The following RGS8 variants were observed in gnomAD, a reference collection of about 807,000 sequenced individuals.
RGS8 encodes the protein regulator of G-protein signaling 8.
A neutral mutation model predicts 21.7 loss-of-function variants in RGS8; 8 were observed. The ratio of observed to expected loss-of-function variants is 0.37; its 90% CI spans 0.22 to 0.66. RGS8 has a LOEUF of 0.66. Among genes scored for constraint, RGS8 ranks in the 30% least tolerant of loss-of-function variants. The pLI is 0.59. For missense variants in RGS8, 157 were observed against 217.9 expected, an observed-to-expected ratio of 0.72 and a Z score of 1.76; for synonymous variants, 80 against 83.6, an observed-to-expected ratio of 0.96 and a Z score of 0.24.
chr1:182,734,496 T>A, the RGS8 span: 1 of 152,160 alleles, frequency 6.6e-6, no homozygotes, highest in East Asian at 1.9e-4. Context: ...ACCGAAAGAA[T>A]CAAGACGGTT....
At chr1:182,653,793 A>G (rs1663135960) in intron 5 of RGS8, among the ~76,000 whole-genome samples, 1 of 152,236 alleles carries the variant, frequency 6.6e-6, no homozygotes, top group Admixed American at 6.5e-5. Context: ...GAAGTTCAAG[A>G]AAAGAATCTA....
chr1:182,671,747 TC>T lies in RGS8; in HGVS notation c.-177-18del, dbSNP rs1571346724. 5 of 1,613,854 alleles carry T rather than the reference TC, an allele frequency of 3.1e-6. No homozygotes were observed. Among genetic ancestry groups the T allele is most frequent in the Non-Finnish European group, 4.2e-6 (5 of 1,179,858 alleles). ...TAAGGTGTTCTGGGGAAAAAGTAGA[TC>T]TTTCTTTTAGCAGTCAAATCCTCGG... is the stretch of plus-strand genomic sequence containing the variant. On this transcript the variant is annotated intron_variant, in intron 1 of 6. Coordinates refer to ENST00000483095, the Ensembl canonical transcript of RGS8.
At chr1:182,749,575 G>A in the RGS8 span, among the ~76,000 whole-genome samples, 2 of 151,968 alleles carry the variant, frequency 1.3e-5, no homozygotes, top group African/African-American at 2.4e-5. Flanking sequence ...TGCTATTTGA[G>A]GTCTTTTGTG....
intron 3 of RGS8, 97 bp from the exon 5 acceptor site, chr1:182,667,070 C>A (rs1663903815): frequency 1.1e-6 from 1 of 930,566 alleles, no homozygotes; most frequent in Admixed American, 1.8e-5. Flanking sequence ...CGGGAGCCAG[C>A]ACTGCCCCCA....
intron 5 of RGS8, among the ~76,000 whole-genome samples, chr1:182,652,635 A>G (rs1663076580): frequency 6.6e-6 from 1 of 152,260 alleles, no homozygotes; most frequent in African/African-American, 2.4e-5. Flanking sequence ...GCTATGTGCT[A>G]AAAGCAGATA....
At chr1:182,666,651 T>C (rs1199145738) in intron 4 of RGS8, among the ~76,000 whole-genome samples, 2 of 149,648 alleles carry the variant, frequency 1.3e-5, no homozygotes, top group Non-Finnish European at 3.0e-5. Flanking sequence ...TATGGCTTAC[T>C]TAGGAAAAAA....
the RGS8 span, among the ~76,000 whole-genome samples, chr1:182,690,541 G>C: frequency 6.6e-6 from 1 of 152,066 alleles, no homozygotes; most frequent in African/African-American, 2.4e-5. Context: ...AATTCTTTGG[G>C]TCCCCATTTT....
chr1:182,719,565 C>T, the RGS8 span, among the ~76,000 whole-genome samples: 3,450 of 150,482 alleles, frequency 0.023, 52 homozygotes, highest in Admixed American at 0.037. Context: ...TGAGTAGGTG[C>T]GACTACAGGC....
upstream of RGS8, among the ~76,000 whole-genome samples, chr1:182,674,466 C>CT (rs199833844): frequency 5.9e-5 from 9 of 151,434 alleles, no homozygotes; most frequent in Admixed American, 4.6e-4. Context: ...CTAGTCCAAG[C>CT]TTTTTTTTTC....
chr1:182,650,450 C>G (rs183939641), intron 5 of RGS8, among the ~76,000 whole-genome samples: 6 of 152,258 alleles, frequency 3.9e-5, no homozygotes, highest in Admixed American at 3.3e-4. Flanking sequence ...TCAAAAAAGC[C>G]ACATCTTTAC....
At chr1:182,708,900 A>G in the RGS8 span, among the ~76,000 whole-genome samples, 1 of 152,172 alleles carries the variant, frequency 6.6e-6, no homozygotes, top group Admixed American at 6.5e-5. Flanking sequence ...CTGCTCCCCA[A>G]GCAGCTCTGG....
the RGS8 span, among the ~76,000 whole-genome samples, chr1:182,700,804 T>C: frequency 6.6e-6 from 1 of 152,228 alleles, no homozygotes; most frequent in Non-Finnish European, 1.5e-5. Flanking sequence ...CTTACAATCA[T>C]CTAATTTGAT....
At chr1:182,654,373 AG>A (rs1450362068) in intron 5 of RGS8, among the ~76,000 whole-genome samples, 23 of 152,340 alleles carry the variant, frequency 1.5e-4, no homozygotes, top group South Asian at 1.0e-3. Context: ...CAAAGAAAAA[AG>A]GAAAGAGGTA....
At chr1:182,720,879 G>GTATA in the RGS8 span, among the ~76,000 whole-genome samples, 1 of 129,002 alleles carries the variant, frequency 7.8e-6, no homozygotes, top group South Asian at 2.4e-4. Flanking sequence ...ACACATATAT[G>GTATA]TATATATATA....
At chr1:182,657,521 A>T (rs1197959793) in intron 5 of RGS8, among the ~76,000 whole-genome samples, 1 of 152,066 alleles carries the variant, frequency 6.6e-6, no homozygotes, top group Non-Finnish European at 1.5e-5. Flanking sequence ...TCCCTCCCCA[A>T]GCCCAGGCAA....
downstream of RGS8, chr1:182,645,138 C>T (rs749171926): frequency 9.2e-5 from 14 of 152,258 alleles, no homozygotes; most frequent in East Asian, 1.9e-4. Context: ...ACCAGCATAA[C>T]GTTAAAAGGC....
chr1:182,701,096 T>TC, the RGS8 span, among the ~76,000 whole-genome samples: 4 of 152,354 alleles, frequency 2.6e-5, no homozygotes, highest in African/African-American at 9.6e-5. Flanking sequence ...GTCCTCTTCT[T>TC]CACCTACTTG....
chr1:182,743,853 C>T, the RGS8 span, among the ~76,000 whole-genome samples: 7 of 152,216 alleles, frequency 4.6e-5, no homozygotes, highest in Non-Finnish European at 8.8e-5. Flanking sequence ...GCTACATACA[C>T]ATACCCACAC....
the RGS8 span, among the ~76,000 whole-genome samples, chr1:182,719,830 G>A: frequency 1.3e-5 from 2 of 151,212 alleles, no homozygotes; most frequent in South Asian, 4.2e-4. Flanking sequence ...AGTCACTTTT[G>A]TTAGTTAAGG....
Sources: allele counts gnomAD v4.1 joint callset (sites outside exome capture counted in the v4.1 genomes callset), GRCh38; gene constraint gnomAD v4.1.1; transcripts MANE v1.5; gene names NCBI Gene and HGNC (gene_info 2026-07-23, HGNC 2026-07-21).